BARD1: variants seen among roughly 807,000 people sequenced by gnomAD.
BARD1 encodes BRCA1 associated RING domain 1, also known as BRCA1-associated RING domain protein 1.
A neutral mutation model predicts 77.0 loss-of-function variants in BARD1; 73 were observed. The ratio of observed to expected loss-of-function variants is 0.95; its 90% CI spans 0.79 to 1.15. The LOEUF is 1.15. Among genes scored for constraint, BARD1 ranks in the 50% most tolerant of loss-of-function variants. The pLI is 0.00. For synonymous variants in BARD1, 384 were observed against 338.0 expected, an observed-to-expected ratio of 1.14 and a Z score of -1.49; for missense variants, 993 against 938.8, an observed-to-expected ratio of 1.06 and a Z score of -0.75.
rs776157713 is a variant in BARD1 at position 214,781,051 on chromosome 2, A to G, written c.823T>C (p.Leu275=). 3 of 1,606,030 alleles carry G rather than the reference A, an allele frequency of 1.9e-6. No homozygotes were observed. The highest frequency in any genetic ancestry group is 4.5e-5 in the East Asian group (2 of 44,798). The change falls in exon 4 of 11, where the codon TTA becomes CTA. Residue 275 remains leucine, a synonymous_variant. Transcript: ENST00000260947. ...SLTESECFGS[L]TEVSLPLAEQ... is the part of the protein sequence containing the mutation. ...GCCAATGGTAAAGAGACTTCAGTTA[A>G]ACTTCCAAAACATTCAGATTCTGTC...
chr2:214,792,343 T>C lies in BARD1; in HGVS notation c.318A>G (p.Gln106=), dbSNP rs1178885131. The C allele has an allele frequency of 6.2e-7, 1 of 1,613,508 alleles. No individual in the cohort carries two copies. Among genetic ancestry groups the C allele is most frequent in the South Asian group, 1.1e-5 (1 of 91,064 alleles). The part of the protein sequence containing the change: ...KINRQLDSMI[Q]LCSKLRNLLH... ...GCAAATTTCGAAGCTTACTACAAAG[T>C]TGAATCATGCTGTCCAGTTGTCTAT... The change falls in exon 3 of 11, where the codon CAA becomes CAG. Residue 106 remains glutamine (Q), a synonymous_variant. Transcript: ENST00000260947.
At position 214,726,807 on chromosome 2, in the gene BARD1, C is replaced by T. The variant is rs1692102693; in HGVS notation, c.*1869G>A. ...TTTAACAAAAGCAAAGATGAAACTG[C>T]TTAACAGTCAGGGAAAAACAACAAA... On this transcript the variant is annotated 3_prime_UTR_variant, in exon 11 of 11. Coordinates refer to ENST00000260947, the MANE Select transcript of BARD1 (RefSeq NM_000465.4). The T allele has an allele frequency of 4.4e-6, 1 of 227,172 alleles. No homozygotes were observed. Among genetic ancestry groups the T allele is most frequent in the African/African-American group, 2.2e-5 (1 of 45,020 alleles). The allele number at this position is 227,172 out of a possible 1,614,324, so 14.1% of individuals were successfully genotyped here. A position where few individuals can be genotyped will look rare whatever the true frequency, so the allele number is the denominator to read the frequency against.
chr2:214,809,275 C>A, intron 1 of BARD1, 137 bp downstream of exon 1: 1 of 1,206,576 alleles, frequency 8.3e-7, no homozygotes, highest in African/African-American at 1.5e-5. Context: ...TATCCCCCGG[C>A]AGGTGCTAAC....
At chr2:214,744,284 T>C (rs1692991459) in intron 9 of BARD1, among the ~76,000 whole-genome samples, 1 of 152,098 alleles carries the variant, frequency 6.6e-6, no homozygotes. Flanking sequence ...GTATAGTGAC[T>C]CCAACTAAAG....
At chr2:214,798,214 C>A (rs1300670971) in intron 1 of BARD1, among the ~76,000 whole-genome samples, 1 of 150,592 alleles carries the variant, frequency 6.6e-6, no homozygotes, top group Non-Finnish European at 1.5e-5. Flanking sequence ...AGAAAGATTG[C>A]GAAAAACAGT....
At chr2:214,783,008 C>T (rs112413096) in intron 3 of BARD1, among the ~76,000 whole-genome samples, 13 of 152,196 alleles carry the variant, frequency 8.5e-5, no homozygotes, top group African/African-American at 2.6e-4. Context: ...TGTTCAAAAG[C>T]CCAATAGCAG....
chr2:214,760,474 TG>T (rs1693903776), intron 6 of BARD1, among the ~76,000 whole-genome samples: 1 of 152,174 alleles, frequency 6.6e-6, no homozygotes, highest in South Asian at 2.1e-4. Flanking sequence ...ATTACAGGCA[TG>T]AGGCACTGCG....
In BARD1 at chr2:214,726,520, CATT is replaced by C. The variant is rs1276179471; in HGVS notation, c.*2153_*2155del. The stretch of plus-strand genomic sequence containing the variant: ...TTTTTATTCAAAATTAATTAAAAAG[CATT>C]ATGTTAAAAAAGATAAGCTTTTGTT... On this transcript the variant is annotated 3_prime_UTR_variant, in exon 11 of 11. Coordinates refer to ENST00000260947, the MANE Select transcript of BARD1 (RefSeq NM_000465.4). 1 of 221,762 alleles carries C rather than the reference CATT, an allele frequency of 4.5e-6. No individual in the cohort carries two copies. The highest frequency in any genetic ancestry group is 2.2e-5 in the African/African-American group (1 of 44,702). 13.7% of individuals were successfully genotyped at this position (221,762 alleles called of 1,614,324 possible). A position where few individuals can be genotyped will look rare whatever the true frequency, so the allele number is the denominator to read the frequency against.
At chr2:214,805,446 G>A (rs1186032265) in intron 1 of BARD1, among the ~76,000 whole-genome samples, 1 of 152,184 alleles carries the variant, frequency 6.6e-6, no homozygotes, top group Admixed American at 6.5e-5. Flanking sequence ...TGCTCTGTGA[G>A]AATGCCTCTG....
chr2:214,792,569 AATATCCT>A, intron 2 of BARD1, 124 bp from the exon 3 acceptor site: 5 of 933,890 alleles, frequency 5.4e-6, no homozygotes, highest in Non-Finnish European at 7.8e-6. Context: ...GGTCAATTGT[AATATCCT>A]TGTTGAATAC....
chr2:214,749,473 A>G (rs1303079884), intron 7 of BARD1, among the ~76,000 whole-genome samples: 3 of 152,228 alleles, frequency 2.0e-5, no homozygotes, highest in African/African-American at 7.2e-5. Context: ...TGACATGCCC[A>G]AAGTATAGGT....
intron 9 of BARD1, among the ~76,000 whole-genome samples, chr2:214,732,229 G>T (rs1692386678): frequency 6.6e-6 from 1 of 152,122 alleles, no homozygotes; most frequent in Non-Finnish European, 1.5e-5. Flanking sequence ...CCACTACTCG[G>T]CATGTAAACT....
At chr2:214,732,397 CTTTTT>C (rs573147676) in intron 9 of BARD1, among the ~76,000 whole-genome samples, 5 of 142,040 alleles carry the variant, frequency 3.5e-5, no homozygotes, top group African/African-American at 1.0e-4. Flanking sequence ...ATTTTTTTTT[CTTTTT>C]TTTTTTTTTC....
chr2:214,809,163 G>A (rs1696432295), intron 1 of BARD1, among the ~76,000 whole-genome samples: 1 of 152,202 alleles, frequency 6.6e-6, no homozygotes, highest in South Asian at 2.1e-4. Context: ...TCTTCAGCCC[G>A]CTGAAGTTCA....
At chr2:214,732,219 C>T (rs988235552) in intron 9 of BARD1, among the ~76,000 whole-genome samples, 1 of 152,200 alleles carries the variant, frequency 6.6e-6, no homozygotes, top group Non-Finnish European at 1.5e-5. Flanking sequence ...AGGAGCAGAA[C>T]CACTACTCGG....
chr2:214,798,988 A>G (rs1695888573), intron 1 of BARD1, among the ~76,000 whole-genome samples: 1 of 152,022 alleles, frequency 6.6e-6, no homozygotes, highest in Admixed American at 6.6e-5. Context: ...GTGGTGGTGC[A>G]TGTCTGTAAT....
At chr2:214,774,580 T>C (rs1159395205) in intron 4 of BARD1, among the ~76,000 whole-genome samples, 1 of 152,234 alleles carries the variant, frequency 6.6e-6, no homozygotes, top group Non-Finnish European at 1.5e-5. Context: ...GCTGTCAAGA[T>C]GTGCTCCCAC....
intron 9 of BARD1, among the ~76,000 whole-genome samples, chr2:214,737,894 A>G (rs891360260): frequency 3.3e-5 from 5 of 152,176 alleles, no homozygotes; most frequent in African/African-American, 1.2e-4. Context: ...AATAAAGTCC[A>G]TAATTATTCC....
chr2:214,780,471 G>C, intron 4 of BARD1, 89 bp downstream of exon 4: 1 of 1,104,864 alleles, frequency 9.1e-7, no homozygotes, highest in Admixed American at 1.9e-5. Context: ...AATTATCCTA[G>C]TAATCCTATG....
Sources: allele counts gnomAD v4.1 joint callset (sites outside exome capture counted in the v4.1 genomes callset), GRCh38; gene constraint gnomAD v4.1.1; transcripts MANE v1.5; gene names NCBI Gene and HGNC (gene_info 2026-07-23, HGNC 2026-07-21).